PPME1: variants seen among roughly 807,000 people sequenced by gnomAD.
The protein encoded by PPME1 is testicular secretory protein Li 39.
PPME1 carries 17 observed loss-of-function variants against 56.9 expected under a neutral mutation model. The ratio of observed to expected loss-of-function variants is 0.30; its 90% CI spans 0.20 to 0.45. The LOEUF (loss-of-function observed/expected upper bound fraction) is 0.45. Among genes scored for constraint, PPME1 ranks in the 20% least tolerant of loss-of-function variants. PPME1 has a pLI of 1.00. For synonymous variants in PPME1, 122 were observed against 156.2 expected (o/e 0.78, Z 1.63); for missense variants, 357 against 483.2 (o/e 0.74, Z 2.45).
intron 1 of PPME1, among the ~76,000 whole-genome samples, chr11:74,187,546 G>A (rs747644591): frequency 1.3e-5 from 2 of 152,032 alleles, no homozygotes; most frequent in Non-Finnish European, 2.9e-5. Context: ...ATTGTTAATT[G>A]CAAATTACAG....
At chr11:74,222,420 C>T in intron 4 of PPME1, 51 bp downstream of exon 4, 1 of 1,445,534 alleles carries the variant, frequency 6.9e-7, no homozygotes, top group Non-Finnish European at 9.7e-7. Flanking sequence ...CATCAAGCCC[C>T]TTTGAATAGT....
At position 74,225,216 on chromosome 11, in the gene PPME1, G is replaced by T. The variant is rs1462006827; in HGVS notation, c.358G>T (p.Val120Phe). The change falls in exon 5 of 14, where the codon GTC becomes TTC. Residue 120 changes from valine to phenylalanine, a missense_variant. By Grantham distance (50) the Val-to-Phe change is conservative. This residue lies in a region of PPME1 where 175 missense variants were observed against 189.4 expected (regional missense o/e 0.92). Transcript: ENST00000328257. ...TATTTTCATTTTAGGTGAAACAAAG[G>T]TCAAGAATCCTGAAGATCTGTCTGC... Reference protein sequence around the residue: ...LDLRSHGETKVKNPEDLSAET... With the variant: ...LDLRSHGETKFKNPEDLSAET... The T allele has an allele frequency of 1.3e-6, 2 of 1,562,658 alleles. No individual in the cohort carries two copies.
intron 3 of PPME1, among the ~76,000 whole-genome samples, chr11:74,220,135 C>T (rs1858759612): frequency 6.6e-6 from 1 of 152,074 alleles, no homozygotes; most frequent in South Asian, 2.1e-4. Flanking sequence ...TGTGGGGATA[C>T]CTATTTCTCC....
intron 3 of PPME1, among the ~76,000 whole-genome samples, chr11:74,208,322 A>T (rs1252287697): frequency 6.6e-6 from 1 of 151,928 alleles, no homozygotes; most frequent in African/African-American, 2.4e-5. Flanking sequence ...AGAAAAAAAA[A>T]AAAAAAGAGA....
chr11:74,194,150 C>T lies in PPME1; in HGVS notation c.102-9578C>T, dbSNP rs188971308. On this transcript the variant is annotated intron_variant, in intron 1 of 13. Transcript: ENST00000328257. ...GCTGTCTTTGTTTTTTCTTGCTTCT[C>T]CCTTCTCAATGCTAAGTTTTAAGAC... 3.9e-3 allele frequency among the ~76,000 whole-genome samples: 588 copies of T among 151,324 alleles called. 3 individuals carry two copies. Among genetic ancestry groups the T allele is most frequent in the Middle Eastern group, 0.034 (10 of 292 alleles).
Position 74,251,670 on chromosome 11 carries a change from T to G in PPME1, c.1097T>G (p.Phe366Cys). 1 of 1,613,868 alleles carries G rather than the reference T, an allele frequency of 6.2e-7. No homozygotes were observed. Among genetic ancestry groups the G allele is most frequent in the Non-Finnish European group, 8.5e-7 (1 of 1,179,816 alleles). ...CAGGTAGCTGAAGCTGTTGCCACTT[T>G]CCTGATCCGGCACAGGTTTGCAGAA... Reference protein sequence around the residue: ...PDKVAEAVATFLIRHRFAEPI... With the variant: ...PDKVAEAVATCLIRHRFAEPI... The change falls in exon 13 of 14, where the codon TTC becomes TGC. Residue 366 changes from phenylalanine (F) to cysteine (C), a missense_variant. Around this residue, in one of 2 missense-constraint regions of PPME1, gnomAD observed 182 missense variants for 293.8 expected, o/e 0.62. Coordinates refer to ENST00000328257, the MANE Select transcript of PPME1 (RefSeq NM_016147.3).
intron 1 of PPME1, among the ~76,000 whole-genome samples, chr11:74,199,497 G>C (rs138049654): frequency 7.6e-4 from 116 of 152,058 alleles, no homozygotes; most frequent in Admixed American, 2.0e-3. Context: ...AGGGTCTCAC[G>C]GTTTTGTCCA....
intron 1 of PPME1, among the ~76,000 whole-genome samples, chr11:74,179,820 C>T (rs1265654381): frequency 2.6e-5 from 4 of 152,174 alleles, no homozygotes; most frequent in South Asian, 2.1e-4. Flanking sequence ...TCTTTTCATT[C>T]TCTTCAAAGT....
At chr11:74,196,819 A>G (rs926532396) in intron 1 of PPME1, among the ~76,000 whole-genome samples, 13 of 152,216 alleles carry the variant, frequency 8.5e-5, no homozygotes, top group African/African-American at 4.8e-5. Flanking sequence ...GCAAGAATGG[A>G]TATTATAAAC....
At chr11:74,219,578 C>T (rs1858744681) in intron 3 of PPME1, among the ~76,000 whole-genome samples, 2 of 152,084 alleles carry the variant, frequency 1.3e-5, no homozygotes, top group East Asian at 1.9e-4. Flanking sequence ...AGACTGAGAT[C>T]TCTGTCATTT....
chr11:74,217,153 CAAAAACAA>C, intron 3 of PPME1, among the ~76,000 whole-genome samples: 1 of 152,076 alleles, frequency 6.6e-6, no homozygotes, highest in East Asian at 1.9e-4. Flanking sequence ...ACCAGACAGA[CAAAAACAA>C]AAAAACTACA....
chr11:74,215,018 A>G (rs1435241911), intron 3 of PPME1, among the ~76,000 whole-genome samples: 2 of 152,216 alleles, frequency 1.3e-5, no homozygotes, highest in East Asian at 1.9e-4. Context: ...ACTTTTCAAG[A>G]CATAAACAGT....
chr11:74,230,254 C>T lies in PPME1; in HGVS notation c.408C>T (p.Gly136=). Residue 136 remains glycine, a synonymous_variant, in exon 6 of 14, where the codon GGC becomes GGT. Coordinates refer to ENST00000328257, the MANE Select transcript of PPME1 (RefSeq NM_016147.3). This position sits in a 1 kb window ranked among gnomAD's most constrained non-coding sequence, Gnocchi z 4.9. ...LSAETMAKDV[G]NVVEAMYGDL... ...TCTCTTCTCTTTGCAGAGACGTTGGCAATGTGGTTGAAGCCATGTATGGGG... is the reference window on the plus strand; with the variant it reads ...TCTCTTCTCTTTGCAGAGACGTTGGTAATGTGGTTGAAGCCATGTATGGGG... 1 of 1,604,802 alleles carries T rather than the reference C, an allele frequency of 6.2e-7. No individual in the cohort carries two copies. The highest frequency in any genetic ancestry group is 8.5e-7 in the Non-Finnish European group (1 of 1,177,076).
At chr11:74,247,188 A>G (rs1163020772) in intron 11 of PPME1, 65 bp downstream of exon 11, 33 of 1,398,170 alleles carry the variant, frequency 2.4e-5, no homozygotes, top group Non-Finnish European at 3.3e-5. Context: ...GGCAGTTAAC[A>G]TCCTGAGATA....
At chr11:74,203,981 CT>C (rs1858250796) in intron 2 of PPME1, among the ~76,000 whole-genome samples, 160 bp downstream of exon 2, 1 of 152,106 alleles carries the variant, frequency 6.6e-6, no homozygotes, top group South Asian at 2.1e-4. Flanking sequence ...ATGCCAATAT[CT>C]TTCTTGGCTG....
chr11:74,183,532 T>C (rs1273618129), intron 1 of PPME1, among the ~76,000 whole-genome samples: 1 of 152,102 alleles, frequency 6.6e-6, no homozygotes, highest in Non-Finnish European at 1.5e-5. Context: ...TATGTCTCCA[T>C]AAGTAATATA....
At chr11:74,222,133 T>C (rs1858815838) in intron 3 of PPME1, among the ~76,000 whole-genome samples, 179 bp from the exon 4 acceptor site, 1 of 152,172 alleles carries the variant, frequency 6.6e-6, no homozygotes, top group Non-Finnish European at 1.5e-5. Context: ...AGAACCACAA[T>C]ATATGGCAAA....
intron 1 of PPME1, among the ~76,000 whole-genome samples, chr11:74,191,540 T>C (rs1282718150): frequency 1.3e-5 from 2 of 152,188 alleles, no homozygotes; most frequent in Admixed American, 6.5e-5. Context: ...TTGTTTCAGA[T>C]GTCTTTGGGA....
Position 74,251,029 on chromosome 11 carries a change from T to A in PPME1, c.1074+11T>A. Reference sequence around the variant, plus strand: ...GATGCCCCTGACAAGGTGAGTCTGGTGCTCAGTGACTGTAAAAGGACAACT... The same window carrying A: ...GATGCCCCTGACAAGGTGAGTCTGGAGCTCAGTGACTGTAAAAGGACAACT... On this transcript the variant is annotated intron_variant, in intron 12 of 13. Transcript: ENST00000328257. The A allele has an allele frequency of 6.3e-7, 1 of 1,586,406 alleles. No individual in the cohort carries two copies. The highest frequency in any genetic ancestry group is 8.6e-7 in the Non-Finnish European group (1 of 1,165,860).
Sources: allele counts gnomAD v4.1 joint callset (sites outside exome capture counted in the v4.1 genomes callset), GRCh38; gene constraint gnomAD v4.1.1; regional missense constraint gnomAD v4.1.1; non-coding constraint Gnocchi (gnomAD v3.1); transcripts MANE v1.5; gene names NCBI Gene and HGNC (gene_info 2026-07-23, HGNC 2026-07-21).